The following SGCZ variants were observed in gnomAD, a reference collection of about 807,000 sequenced individuals.
SGCZ encodes the protein zeta-sarcoglycan.
Under a neutral mutation model 41.3 loss-of-function variants are expected in SGCZ, and 40 were observed. The observed-to-expected ratio is 0.97, with a 90% CI of 0.75 to 1.26. The LOEUF is 1.26. Ranked by LOEUF, SGCZ falls within the 50% of genes most tolerant of loss-of-function variation. The probability of loss-of-function intolerance (pLI) is 0.00; values close to 1 mark genes in which losing one functional copy is unlikely to be tolerated. For missense variants in SGCZ, 552 were observed against 369.8 expected, an observed-to-expected ratio of 1.49 and a Z score of -4.04; for synonymous variants, 206 against 137.5, an observed-to-expected ratio of 1.50 and a Z score of -3.49.
intron 3 of SGCZ, among the ~76,000 whole-genome samples, chr8:14,242,663 A>G (rs1228986224): frequency 6.6e-6 from 1 of 152,186 alleles, no homozygotes; most frequent in East Asian, 1.9e-4. Flanking sequence ...TTTACTACTA[A>G]TAATACTGGA....
At chr8:14,545,409 GCTTA>G (rs1305484922) in intron 2 of SGCZ, among the ~76,000 whole-genome samples, 1 of 108,210 alleles carries the variant, frequency 9.2e-6, no homozygotes, top group Non-Finnish European at 1.7e-5. Flanking sequence ...AAAAGCAAAT[GCTTA>G]CTTTTTTTTT....
intron 1 of SGCZ, among the ~76,000 whole-genome samples, chr8:14,922,317 A>C (rs945289322): frequency 6.6e-6 from 1 of 152,200 alleles, no homozygotes; most frequent in Non-Finnish European, 1.5e-5. Context: ...ACAGTCTTTC[A>C]GTAATACTGC....
intron 1 of SGCZ, among the ~76,000 whole-genome samples, chr8:15,004,916 C>A (rs1802549023): frequency 1.3e-5 from 2 of 152,070 alleles, no homozygotes; most frequent in African/African-American, 2.4e-5. Context: ...CACTGCCACA[C>A]CTCCACCCCC....
rs549282695 is a variant in SGCZ at position 14,763,086 on chromosome 8, T to G, written c.40-208160A>C. ...AACAACAATCAATATTTTTAAAAAT[T>G]TGTTTGTTGCTGGTGTTTCCTAAGT... On this transcript the variant is annotated intron_variant, in intron 1 of 7. Transcript: ENST00000382080. 4.0e-4 allele frequency among the ~76,000 whole-genome samples: 61 copies of G among 152,222 alleles called. No homozygotes were observed. The South Asian group carries it at 5.4e-3, about 13-fold the overall frequency.
At chr8:14,963,160 T>C (rs1362582635) in intron 1 of SGCZ, among the ~76,000 whole-genome samples, 3 of 151,752 alleles carry the variant, frequency 2.0e-5, no homozygotes, top group Admixed American at 6.6e-5. Context: ...CCCAGGAAAA[T>C]AGGAAATTAA....
At chr8:15,097,268 G>A (rs751805217) in intron 1 of SGCZ, among the ~76,000 whole-genome samples, 11 of 152,226 alleles carry the variant, frequency 7.2e-5, no homozygotes, top group Admixed American at 2.0e-4. Flanking sequence ...CTCTAATGTA[G>A]AATGCCTTTA....
intron 1 of SGCZ, among the ~76,000 whole-genome samples, chr8:15,012,618 T>C (rs1490191683): frequency 3.4e-5 from 4 of 117,796 alleles, no homozygotes; most frequent in Non-Finnish European, 5.3e-5. Flanking sequence ...TACATATATG[T>C]TTATATAATA....
chr8:14,825,136 C>G (rs763419376), intron 1 of SGCZ, among the ~76,000 whole-genome samples: 2 of 152,172 alleles, frequency 1.3e-5, no homozygotes, highest in Non-Finnish European at 2.9e-5. Flanking sequence ...CTTCCTCTCT[C>G]TTAAATTGAT....
chr8:14,532,968 T>C (rs1336034063), intron 2 of SGCZ, among the ~76,000 whole-genome samples: 1 of 152,102 alleles, frequency 6.6e-6, no homozygotes, highest in East Asian at 1.9e-4. Context: ...AATACATTTT[T>C]CCCTCTACAA....
chr8:14,748,003 A>G (rs1799389161), intron 1 of SGCZ, among the ~76,000 whole-genome samples: 1 of 151,496 alleles, frequency 6.6e-6, no homozygotes, highest in Non-Finnish European at 1.5e-5. Flanking sequence ...TTTGATGCTC[A>G]AATATTATAA....
intron 1 of SGCZ, among the ~76,000 whole-genome samples, chr8:15,141,080 T>A (rs117968301): frequency 0.023 from 3,512 of 152,370 alleles, 73 homozygotes; most frequent in Non-Finnish European, 0.033. Context: ...TGCCCTGACT[T>A]CTTATGTAAT....
intron 1 of SGCZ, among the ~76,000 whole-genome samples, chr8:14,953,860 A>G (rs762590460): frequency 2.4e-4 from 36 of 152,342 alleles, no homozygotes; most frequent in Non-Finnish European, 4.1e-4. Context: ...TAATTCTTGT[A>G]AACACTCAAG....
chr8:14,090,566 G>A lies in SGCZ; in HGVS notation c.816C>T (p.Ser272=), dbSNP rs779827769. ...ACACTGTCTGTCGAGAACTTGAGGA[G>A]CTGGGTGAAGAAGATGAGAAGGAGC... ...PTGSFSSSSP[S]SSSSRQTVYE... Residue 272 remains serine (S), a synonymous_variant, in exon 8 of 8, where the codon AGC becomes AGT. Transcript: ENST00000382080. The A allele has an allele frequency of 6.2e-7, 1 of 1,613,046 alleles. No individual in the cohort carries two copies. The highest frequency in any genetic ancestry group is 8.5e-7 in the Non-Finnish European group (1 of 1,179,446).
chr8:15,030,637 G>A (rs777626683), intron 1 of SGCZ, among the ~76,000 whole-genome samples: 36 of 152,106 alleles, frequency 2.4e-4, no homozygotes, highest in Non-Finnish European at 3.8e-4. Flanking sequence ...TATCTACTGC[G>A]CACAAGGGAT....
intron 1 of SGCZ, among the ~76,000 whole-genome samples, chr8:15,056,931 G>T (rs181171597): frequency 2.0e-5 from 3 of 152,288 alleles, no homozygotes; most frequent in Admixed American, 2.0e-4. Flanking sequence ...GCAAGCTGAA[G>T]GTGACAAGGA....
chr8:15,061,165 T>C (rs929165357), intron 1 of SGCZ, among the ~76,000 whole-genome samples: 6 of 139,110 alleles, frequency 4.3e-5, no homozygotes, highest in African/African-American at 1.5e-4. Flanking sequence ...TGAAATTAAA[T>C]AGTGTGATAG....
chr8:15,187,037 T>C (rs1028225290), intron 1 of SGCZ, among the ~76,000 whole-genome samples: 1 of 152,172 alleles, frequency 6.6e-6, no homozygotes, highest in African/African-American at 2.4e-5. Context: ...CGTCCAATGA[T>C]TTCCAGAAAG....
intron 1 of SGCZ, among the ~76,000 whole-genome samples, chr8:14,828,897 C>T (rs896091186): frequency 3.3e-5 from 5 of 152,124 alleles, no homozygotes; most frequent in African/African-American, 1.2e-4. Flanking sequence ...GCAAGAGTTT[C>T]AATAGAAAAT....
chr8:14,554,727 C>T lies in SGCZ; in HGVS notation c.234+5G>A, dbSNP rs1202794696. ...AATAAGATGTAAAATCATAGTGGTACTTACCACAGTGAAATTCATAACTTT... is the reference window on the plus strand; with the variant it reads ...AATAAGATGTAAAATCATAGTGGTATTTACCACAGTGAAATTCATAACTTT... On this transcript the variant is annotated splice_donor_5th_base_variant and intron_variant, in intron 2 of 7. Coordinates refer to ENST00000382080, the MANE Select transcript of SGCZ (RefSeq NM_139167.4). The T allele has an allele frequency of 6.2e-7, 1 of 1,609,544 alleles. No homozygotes were observed. The highest frequency in any genetic ancestry group is 8.5e-7 in the Non-Finnish European group (1 of 1,177,206).
Sources: gnomAD v4.1 joint callset for allele counts (sites outside exome capture counted in the v4.1 genomes callset) on GRCh38, gnomAD v4.1.1 for gene constraint, MANE v1.5 for transcripts, NCBI Gene and HGNC (gene_info 2026-07-23, HGNC 2026-07-21) for gene names.